Variants in PIK3C2G observed in about 807,000 individuals in gnomAD.
PIK3C2G encodes the protein phosphatidylinositol-4-phosphate 3-kinase catalytic subunit type 2 gamma.
A neutral mutation model predicts 181.1 loss-of-function variants in PIK3C2G; 168 were observed. The observed-to-expected ratio is 0.93, with a 90% confidence interval of 0.82 to 1.05. The LOEUF is 1.05. PIK3C2G is among the 50% of genes least tolerant of loss of function. The probability of loss-of-function intolerance (pLI) is 0.00; values close to 1 mark genes in which losing one functional copy is unlikely to be tolerated. For missense variants in PIK3C2G, 1,869 were observed against 1,732.8 expected (o/e 1.08, Z -1.40); for synonymous variants, 573 against 592.2 (o/e 0.97, Z 0.47).
intron 32 of PIK3C2G, among the ~76,000 whole-genome samples, chr12:18,643,530 C>A (rs1271202846): frequency 6.6e-6 from 1 of 151,826 alleles, no homozygotes; most frequent in Non-Finnish European, 1.5e-5. Flanking sequence ...GAAAAAAAGG[C>A]AACAACGGTT....
At chr12:18,526,066 A>T (rs1323369429) in intron 24 of PIK3C2G, among the ~76,000 whole-genome samples, 2 of 152,306 alleles carry the variant, frequency 1.3e-5, no homozygotes, top group East Asian at 1.9e-4. Context: ...TGATTTTTTT[A>T]AAAGTTAATT....
chr12:18,271,380 A>G (rs776619034), intron 1 of PIK3C2G, among the ~76,000 whole-genome samples: 3 of 152,144 alleles, frequency 2.0e-5, no homozygotes, highest in Admixed American at 6.6e-5. Context: ...AAATAAGGTC[A>G]TTTATTCCTT....
intron 12 of PIK3C2G, among the ~76,000 whole-genome samples, chr12:18,370,950 C>A (rs1942012060): frequency 6.6e-6 from 1 of 152,086 alleles, no homozygotes; most frequent in Admixed American, 6.5e-5. Context: ...TAAAAATATA[C>A]CTACATGTCA....
intron 24 of PIK3C2G, among the ~76,000 whole-genome samples, chr12:18,517,199 T>C (rs905261454): frequency 2.6e-5 from 4 of 152,126 alleles, no homozygotes; most frequent in Non-Finnish European, 5.9e-5. Flanking sequence ...CTGCTGTTAC[T>C]TTCCATTCTG....
intron 8 of PIK3C2G, among the ~76,000 whole-genome samples, chr12:18,334,448 T>C (rs186110223): frequency 6.6e-6 from 1 of 152,140 alleles, no homozygotes; most frequent in Non-Finnish European, 1.5e-5. Flanking sequence ...ATTTTTCTTC[T>C]TTTTTGCCAA....
At chr12:18,247,270 A>T (rs541590524), upstream of PIK3C2G, among the ~76,000 whole-genome samples, 1 of 152,206 alleles carries the variant, frequency 6.6e-6, no homozygotes, top group Non-Finnish European at 1.5e-5. Flanking sequence ...ATGTGTGGAC[A>T]TCTCTACTTT....
chr12:18,647,411 T>C (rs1011857890), intron 32 of PIK3C2G, among the ~76,000 whole-genome samples: 2 of 150,886 alleles, frequency 1.3e-5, no homozygotes, highest in Non-Finnish European at 2.9e-5. Flanking sequence ...GCAATATACC[T>C]CTGGTACAAA....
chr12:18,479,640 C>T (rs1939363411), intron 18 of PIK3C2G, among the ~76,000 whole-genome samples: 1 of 152,164 alleles, frequency 6.6e-6, no homozygotes, highest in Non-Finnish European at 1.5e-5. Context: ...AGGCAGCTTA[C>T]TAAACCTCAC....
the PIK3C2G span, among the ~76,000 whole-genome samples, chr12:18,653,593 G>A: frequency 6.6e-6 from 1 of 152,116 alleles, no homozygotes; most frequent in Non-Finnish European, 1.5e-5. Flanking sequence ...ATGTGTGCAT[G>A]CTATTTTGAA....
chr12:18,244,967 T>C (rs990186718), upstream of PIK3C2G, among the ~76,000 whole-genome samples: 4 of 152,086 alleles, frequency 2.6e-5, no homozygotes, highest in African/African-American at 9.7e-5. Context: ...TCCAAGCAAG[T>C]TCTCTGTTCC....
At position 18,643,623 on chromosome 12, in the gene PIK3C2G, C is replaced by T. The variant is rs2129505; in HGVS notation, c.4308+3069C>T. Reference sequence around the variant, plus strand: ...TGCAAAGAAGCACACTAGATGTTAACTCTGATTTTACTGTCTCTTGCCCTC... The same window carrying T: ...TGCAAAGAAGCACACTAGATGTTAATTCTGATTTTACTGTCTCTTGCCCTC... On this transcript the variant is annotated intron_variant, in intron 32 of 32. Coordinates refer to ENST00000538779, the MANE Select transcript of PIK3C2G (RefSeq NM_001288772.2). 9.4e-4 allele frequency among the ~76,000 whole-genome samples: 143 copies of T among 151,682 alleles called. 2 individuals are homozygous for T. The highest frequency in any genetic ancestry group is 8.4e-3 in the Admixed American group (127 of 15,174).
At chr12:18,690,155 T>C in the PIK3C2G span, among the ~76,000 whole-genome samples, 573 of 152,324 alleles carry the variant, frequency 3.8e-3, 10 homozygotes, top group African/African-American at 0.013. Flanking sequence ...CCTAGATATA[T>C]TGGGCATATA....
At chr12:18,362,577 G>A (rs1941333531) in intron 11 of PIK3C2G, among the ~76,000 whole-genome samples, 187 bp from the exon 12 acceptor site, 1 of 152,174 alleles carries the variant, frequency 6.6e-6, no homozygotes, top group African/African-American at 2.4e-5. Flanking sequence ...GAAGGTCTTA[G>A]GGCCTCCTAT....
chr12:18,353,150 A>T (rs1358279031), intron 11 of PIK3C2G, among the ~76,000 whole-genome samples: 1 of 152,168 alleles, frequency 6.6e-6, no homozygotes, highest in African/African-American at 2.4e-5. Flanking sequence ...AATATGGAAG[A>T]TGACCAATCT....
intron 24 of PIK3C2G, among the ~76,000 whole-genome samples, chr12:18,517,608 C>T (rs1013009586): frequency 4.6e-5 from 7 of 152,086 alleles, no homozygotes; most frequent in Non-Finnish European, 7.4e-5. Flanking sequence ...GCTGAAGTTG[C>T]TTATCAGCTT....
chr12:18,641,375 C>G (rs1406019883), intron 32 of PIK3C2G, among the ~76,000 whole-genome samples: 1 of 152,136 alleles, frequency 6.6e-6, no homozygotes, highest in Non-Finnish European at 1.5e-5. Context: ...CTCCTAACTG[C>G]TAAATCCAAA....
At chr12:18,699,708 T>G in the PIK3C2G span, 1 of 1,344,790 alleles carries the variant, frequency 7.4e-7, no homozygotes, top group South Asian at 1.2e-5. Flanking sequence ...ATATACATTT[T>G]ATAAATATCA....
chr12:18,392,658 TTTATG>T (rs1438791206), intron 15 of PIK3C2G, among the ~76,000 whole-genome samples: 12 of 152,108 alleles, frequency 7.9e-5, no homozygotes, highest in Non-Finnish European at 1.3e-4. Flanking sequence ...CATATTACCT[TTTATG>T]TTATAACACT....
intron 5 of PIK3C2G, among the ~76,000 whole-genome samples, chr12:18,297,169 C>G (rs1949975601): frequency 6.6e-6 from 1 of 152,016 alleles, no homozygotes. Flanking sequence ...CTCTTTTTGA[C>G]AGGGAGTAAC....
Sources: gnomAD v4.1 joint callset for allele counts (sites outside exome capture counted in the v4.1 genomes callset) on GRCh38, gnomAD v4.1.1 for gene constraint, MANE v1.5 for transcripts, NCBI Gene and HGNC (gene_info 2026-07-23, HGNC 2026-07-21) for gene names.